The following DNAH12 variants were observed in gnomAD, a reference collection of about 807,000 sequenced individuals.
DNAH12 encodes the protein dynein axonemal heavy chain 12.
A neutral mutation model predicts 371.5 loss-of-function variants in DNAH12; 285 were observed. That is an observed-to-expected ratio of 0.77 (90% CI 0.70 to 0.85). The LOEUF is 0.85. Ranked by LOEUF, DNAH12 falls within the 40% of genes least tolerant of loss-of-function variation. DNAH12 has a pLI of 0.00. For missense variants in DNAH12, 3,611 were observed against 3,689.4 expected, an observed-to-expected ratio of 0.98 and a Z score of 0.55; for synonymous variants, 1,200 against 1,213.0, an observed-to-expected ratio of 0.99 and a Z score of 0.22.
At chr3:57,314,447 TG>T in intron 66 of DNAH12, 46 bp downstream of exon 66, 2 of 1,548,224 alleles carry the variant, frequency 1.3e-6, no homozygotes, top group Non-Finnish European at 1.7e-6. Context: ...GCCTAGGGCC[TG>T]ATAAATAGTG....
rs115172330 is a variant in DNAH12, at chr3:57,405,153, G to A, written c.6577-6C>T. 2.7e-3 allele frequency: 4,031 copies of A among 1,501,112 alleles called. 88 individuals carry two copies. The African/African-American group carries it at 0.05, about 19-fold the overall frequency. The allele number at this position is 1,501,112 out of a possible 1,614,324, so 93.0% of individuals were successfully genotyped here. A position where few individuals can be genotyped will look rare whatever the true frequency, so the allele number is the denominator to read the frequency against. On this transcript the variant is annotated splice_polypyrimidine_tract_variant and splice_region_variant and intron_variant, in intron 41 of 73. Coordinates refer to ENST00000495027, the MANE Select transcript of DNAH12 (RefSeq NM_001366028.2). ...CTTAAGTCTTCTTCAGTTACCTATA[G>A]AAAGGAAATCAACAAATTTTAAAAC...
chr3:57,368,767 T>C (rs1387625890), intron 55 of DNAH12, among the ~76,000 whole-genome samples: 2 of 152,232 alleles, frequency 1.3e-5, no homozygotes, highest in African/African-American at 4.8e-5. Context: ...GAGTTTCTTC[T>C]GAGTTAGTAA....
chr3:57,470,761 C>A, intron 15 of DNAH12, 125 bp from the exon 16 acceptor site: 1 of 843,286 alleles, frequency 1.2e-6, no homozygotes. Flanking sequence ...GGCTGGAGTG[C>A]AGTGGCGTGA....
intron 69 of DNAH12, among the ~76,000 whole-genome samples, chr3:57,303,414 C>CTT (rs769186872): frequency 2.1e-4 from 26 of 123,628 alleles, no homozygotes; most frequent in East Asian, 5.3e-4. Context: ...TTTTCTTTTT[C>CTT]TTTTTTTTTT....
At chr3:57,324,176 T>A (rs781632954) in intron 62 of DNAH12, among the ~76,000 whole-genome samples, 13 of 152,206 alleles carry the variant, frequency 8.5e-5, no homozygotes, top group Admixed American at 2.6e-4. Flanking sequence ...TTCTGGGTGA[T>A]CTCAGGAGCA....
chr3:57,512,418 G>A (rs557872218), intron 4 of DNAH12: 42 of 152,244 alleles, frequency 2.8e-4, no homozygotes, highest in African/African-American at 1.0e-3. Context: ...CTGGAGATTC[G>A]CTGCACAAGA....
At chr3:57,366,228 G>A (rs1369341527) in intron 57 of DNAH12, among the ~76,000 whole-genome samples, 1 of 152,116 alleles carries the variant, frequency 6.6e-6, no homozygotes, top group Non-Finnish European at 1.5e-5. Flanking sequence ...TGCCCTAACA[G>A]TTTACAAATG....
At chr3:57,479,247 CA>C (rs1323269524) in intron 13 of DNAH12, among the ~76,000 whole-genome samples, 1 of 151,466 alleles carries the variant, frequency 6.6e-6, no homozygotes, top group Non-Finnish European at 1.5e-5. Flanking sequence ...AAATGGAAAA[CA>C]AAAAAAGGCA....
At chr3:57,349,540 A>G (rs782117101) in intron 60 of DNAH12, among the ~76,000 whole-genome samples, 7 of 152,238 alleles carry the variant, frequency 4.6e-5, no homozygotes, top group Non-Finnish European at 8.8e-5. Context: ...ACAATTTGCA[A>G]TTGCAAAAAT....
chr3:57,322,853 C>T (rs2061839711), intron 64 of DNAH12, among the ~76,000 whole-genome samples, 154 bp downstream of exon 64: 1 of 152,252 alleles, frequency 6.6e-6, no homozygotes, highest in African/African-American at 2.4e-5. Context: ...TCGCTTGAAC[C>T]CGGGAGGCGA....
chr3:57,416,560 G>A (rs1232341331), intron 37 of DNAH12, among the ~76,000 whole-genome samples: 1 of 152,136 alleles, frequency 6.6e-6, no homozygotes, highest in Non-Finnish European at 1.5e-5. Context: ...CAGACATGGG[G>A]GCAGCATGTG....
intron 2 of DNAH12, among the ~76,000 whole-genome samples, chr3:57,541,042 T>G (rs6445909): frequency 3.3e-5 from 5 of 151,150 alleles, no homozygotes; most frequent in African/African-American, 7.3e-5. Flanking sequence ...TCTCTCCCCC[T>G]CCCTTTTATT....
chr3:57,377,562 T>C (rs1437453289), intron 52 of DNAH12, among the ~76,000 whole-genome samples: 1 of 151,824 alleles, frequency 6.6e-6, no homozygotes, highest in African/African-American at 2.4e-5. Context: ...TAACATGAAA[T>C]AATAAGTGTT....
chr3:57,474,453 C>G (rs758548601), intron 13 of DNAH12, among the ~76,000 whole-genome samples: 1 of 152,140 alleles, frequency 6.6e-6, no homozygotes, highest in East Asian at 1.9e-4. Context: ...TGTGCCACCA[C>G]GCCCAGCTAA....
intron 23 of DNAH12, 145 bp from the exon 24 acceptor site, chr3:57,453,548 T>A: frequency 1.5e-6 from 1 of 651,146 alleles, no homozygotes; most frequent in Non-Finnish European, 2.3e-6. Flanking sequence ...GGCTCATGCC[T>A]AAAATCCCAG....
chr3:57,523,934 T>G, intron 2 of DNAH12, 50 bp from the exon 3 acceptor site: 1 of 1,304,036 alleles, frequency 7.7e-7, no homozygotes, highest in Non-Finnish European at 1.1e-6. Context: ...TTAGCATAAG[T>G]TACTAAAACA....
At chr3:57,361,458 ATATATATATATATC>A (rs1457455760) in intron 58 of DNAH12, among the ~76,000 whole-genome samples, 5 of 144,162 alleles carry the variant, frequency 3.5e-5, no homozygotes, top group African/African-American at 1.3e-4. Context: ...ATATATATAT[ATATATATATATATC>A]TCATTCAGCT....
rs184471488 is a variant in DNAH12, at chr3:57,521,214, T to A, written c.279+2369A>T. 1.3e-3 allele frequency among the ~76,000 whole-genome samples: 199 copies of A among 152,220 alleles called. 3 individuals are homozygous for A. The highest frequency in any genetic ancestry group is 0.012 in the Admixed American group (186 of 15,296). On this transcript the variant is annotated intron_variant, in intron 4 of 73. Coordinates refer to ENST00000495027, the MANE Select transcript of DNAH12 (RefSeq NM_001366028.2). ...GCCTTTTTCTAAATTTTTTTATAGT[T>A]TTATGTTTTACATTTACACCTATGA... is the stretch of plus-strand genomic sequence containing the variant.
At chr3:57,395,209 G>T (rs1393789990) in intron 43 of DNAH12, among the ~76,000 whole-genome samples, 1 of 104,134 alleles carries the variant, frequency 9.6e-6, no homozygotes, top group Non-Finnish European at 2.1e-5. Context: ...TATTCTCAGT[G>T]ACAGCGTTGG....
Sources: gnomAD v4.1 joint callset for allele counts (sites outside exome capture counted in the v4.1 genomes callset) on GRCh38, gnomAD v4.1.1 for gene constraint, MANE v1.5 for transcripts, NCBI Gene and HGNC (gene_info 2026-07-23, HGNC 2026-07-21) for gene names.